Variants in DNAH6 observed in about 807,000 individuals in gnomAD.
DNAH6 encodes axonemal beta dynein heavy chain 6.
In DNAH6, 340 loss-of-function variants were observed where a neutral mutation model predicts 491.4. The ratio of observed to expected loss-of-function variants is 0.69; its 90% CI spans 0.63 to 0.76. The LOEUF (loss-of-function observed/expected upper bound fraction) is 0.76, where lower values mean the gene tolerates loss of function less well. DNAH6 is among the 30% of genes least tolerant of loss of function. The probability of loss-of-function intolerance (pLI) is 0.00; values close to 1 mark genes in which losing one functional copy is unlikely to be tolerated. For missense variants in DNAH6, 4,443 were observed against 4,972.2 expected, an observed-to-expected ratio of 0.89 and a Z score of 3.20; for synonymous variants, 1,603 against 1,686.1, an observed-to-expected ratio of 0.95 and a Z score of 1.21.
rs62164300 is a variant in DNAH6 at position 84,652,368 on chromosome 2, T to A, written c.5079-951T>A. On this transcript the variant is annotated intron_variant, in intron 33 of 76. Transcript: ENST00000389394. Reference sequence around the variant, plus strand: ...TAGAGTCATTGGGAATCATTTCCTATGTTCATTATTTATTTATAATTATTA... The same window carrying A: ...TAGAGTCATTGGGAATCATTTCCTAAGTTCATTATTTATTTATAATTATTA... Among the ~76,000 whole-genome samples the A allele has an allele frequency of 7.5e-3, 1,138 of 152,214 alleles. 6 individuals carry two copies. Among genetic ancestry groups the A allele is most frequent in the Middle Eastern group, 0.017 (5 of 294 alleles).
intron 63 of DNAH6, among the ~76,000 whole-genome samples, chr2:84,761,821 C>G (rs996064622): frequency 2.0e-5 from 3 of 151,128 alleles, no homozygotes; most frequent in African/African-American, 7.3e-5. Flanking sequence ...CACACACACA[C>G]AGAATAAGGC....
chr2:84,685,325 G>A lies in DNAH6; in HGVS notation c.6917-1G>A, dbSNP rs1694164432. Reference sequence around the variant, plus strand: ...TTTTTTTTCCTTTTCTTAAAAAACAGGTATCCTCCAATGTGATCCAGGAAC... The same window carrying A: ...TTTTTTTTCCTTTTCTTAAAAAACAAGTATCCTCCAATGTGATCCAGGAAC... On this transcript the variant is annotated splice_acceptor_variant, in intron 42 of 76. Transcript: ENST00000389394. LOFTEE classifies it high-confidence loss of function. 2 of 1,447,808 alleles carry A rather than the reference G, an allele frequency of 1.4e-6. No homozygotes were observed. Among genetic ancestry groups the A allele is most frequent in the Non-Finnish European group, 1.8e-6 (2 of 1,092,664 alleles). 89.7% of individuals were successfully genotyped at this position (1,447,808 alleles called of 1,614,324 possible).
chr2:84,607,012 C>G lies in DNAH6; in HGVS notation c.3211C>G (p.Leu1071Val). The change falls in exon 21 of 77, where the codon CTT becomes GTT. Residue 1071 changes from leucine to valine, a missense_variant. This residue lies in a region of DNAH6 where 2,977 missense variants were observed against 3,296.6 expected (regional missense o/e 0.90). Coordinates refer to ENST00000389394, the MANE Select transcript of DNAH6 (RefSeq NM_001370.2). ...LDDSTINVAT[L>V]ASSRYLGPLK... ...TGATAGCACCATCAATGTTGCAACTCTTGCCTCATCACGTTACCTTGGTCC... is the reference window on the plus strand; with the variant it reads ...TGATAGCACCATCAATGTTGCAACTGTTGCCTCATCACGTTACCTTGGTCC... 1 of 1,551,414 alleles carries G rather than the reference C, an allele frequency of 6.4e-7. No homozygotes were observed.
At chr2:84,788,878 T>G (rs568566861) in intron 68 of DNAH6, among the ~76,000 whole-genome samples, 26 of 152,306 alleles carry the variant, frequency 1.7e-4, no homozygotes, top group African/African-American at 5.1e-4. Flanking sequence ...AAGAAAGGTG[T>G]TGTAGTTCTT....
intron 62 of DNAH6, among the ~76,000 whole-genome samples, chr2:84,738,679 G>A (rs1207842402): frequency 6.6e-6 from 1 of 151,820 alleles, no homozygotes; most frequent in Admixed American, 6.6e-5. Context: ...GTTTTCCGTT[G>A]CGTGACATAT....
At chr2:84,585,582 C>G (rs1192500762) in intron 15 of DNAH6, among the ~76,000 whole-genome samples, 1 of 151,750 alleles carries the variant, frequency 6.6e-6, no homozygotes, top group Non-Finnish European at 1.5e-5. Context: ...GTCCCATCAT[C>G]TCTGCAGCTC....
intron 18 of DNAH6, among the ~76,000 whole-genome samples, chr2:84,598,179 C>CTTTCTT (rs1227729370): frequency 4.2e-5 from 3 of 70,704 alleles, no homozygotes; most frequent in Non-Finnish European, 1.1e-4. Flanking sequence ...TTCTTTCTTT[C>CTTTCTT]TCTCTTTCTT....
intron 61 of DNAH6, among the ~76,000 whole-genome samples, chr2:84,732,327 C>G (rs1407365052): frequency 2.6e-5 from 4 of 152,070 alleles, no homozygotes. Context: ...GCACAAAAAG[C>G]TGGACACAAA....
At chr2:84,630,295 G>A (rs1185871035) in intron 29 of DNAH6, among the ~76,000 whole-genome samples, 3 of 152,024 alleles carry the variant, frequency 2.0e-5, no homozygotes, top group African/African-American at 4.8e-5. Context: ...TATAATGGAC[G>A]AATCAGACTA....
chr2:84,523,332 A>T (rs573310689), intron 2 of DNAH6, among the ~76,000 whole-genome samples: 2 of 151,588 alleles, frequency 1.3e-5, no homozygotes, highest in African/African-American at 2.4e-5. Context: ...GTTTATTTGG[A>T]TCTTTTCTCT....
intron 70 of DNAH6, among the ~76,000 whole-genome samples, chr2:84,799,499 T>TG (rs1454847723): frequency 1.3e-5 from 2 of 152,220 alleles, no homozygotes; most frequent in Non-Finnish European, 2.9e-5. Flanking sequence ...AACCATCCGC[T>TG]GGGCTGAGAA....
At chr2:84,518,437 A>G (rs1256574884) in intron 2 of DNAH6, among the ~76,000 whole-genome samples, 1 of 152,212 alleles carries the variant, frequency 6.6e-6, no homozygotes, top group Non-Finnish European at 1.5e-5. Flanking sequence ...ATGCCTTTGT[A>G]TTTAAAAAAT....
intron 39 of DNAH6, among the ~76,000 whole-genome samples, chr2:84,671,804 A>G (rs1052430864): frequency 2.0e-5 from 3 of 151,992 alleles, no homozygotes; most frequent in African/African-American, 7.3e-5. Context: ...CCTTTTTCTA[A>G]TGAGTGTGTA....
At chr2:84,740,983 A>C (rs1672472935) in intron 62 of DNAH6, among the ~76,000 whole-genome samples, 1 of 152,144 alleles carries the variant, frequency 6.6e-6, no homozygotes, top group Admixed American at 6.5e-5. Flanking sequence ...CTGCCAGGTT[A>C]CCAAACAATG....
chr2:84,709,035 AG>A (rs1057393062), intron 54 of DNAH6, among the ~76,000 whole-genome samples: 15 of 152,368 alleles, frequency 9.8e-5, no homozygotes, highest in African/African-American at 3.6e-4. Flanking sequence ...CTCTCCCAAC[AG>A]GGAAAATACA....
chr2:84,641,799 A>T, intron 32 of DNAH6, 148 bp from the exon 33 acceptor site: 1 of 620,212 alleles, frequency 1.6e-6, no homozygotes, highest in Non-Finnish European at 2.8e-6. Flanking sequence ...GCTCTGATGG[A>T]GATGAACGCT....
the DNAH6 span, among the ~76,000 whole-genome samples, chr2:84,496,862 C>T: frequency 6.6e-6 from 1 of 152,074 alleles, no homozygotes; most frequent in African/African-American, 2.4e-5. Context: ...GCCAGTTAAT[C>T]TCCTACCCCT....
chr2:84,525,380 T>C (rs1374811078), intron 2 of DNAH6, among the ~76,000 whole-genome samples, 185 bp from the exon 3 acceptor site: 1 of 152,122 alleles, frequency 6.6e-6, no homozygotes, highest in Non-Finnish European at 1.5e-5. Context: ...GGTAGAAAAG[T>C]CTTACTCAAG....
the DNAH6 span, among the ~76,000 whole-genome samples, chr2:84,502,104 G>A: frequency 1.3e-5 from 2 of 151,942 alleles, no homozygotes; most frequent in African/African-American, 2.4e-5. Flanking sequence ...AGTTCTTTAA[G>A]AAGCATCATT....
Sources: gnomAD v4.1 joint callset for allele counts (sites outside exome capture counted in the v4.1 genomes callset) on GRCh38, gnomAD v4.1.1 for gene constraint, gnomAD v4.1.1 regional missense constraint, MANE v1.5 for transcripts, NCBI Gene and HGNC (gene_info 2026-07-23, HGNC 2026-07-21) for gene names.